Variants in ABR observed in about 807,000 individuals in gnomAD.
ABR encodes ABR activator of RhoGEF and GTPase.
Under a neutral mutation model 107.2 loss-of-function variants are expected in ABR, and 35 were observed. The ratio of observed to expected loss-of-function variants is 0.33; its 90% CI spans 0.25 to 0.43. The LOEUF (loss-of-function observed/expected upper bound fraction) is 0.43, where lower values mean the gene tolerates loss of function less well. Among genes scored for constraint, ABR ranks in the 20% least tolerant of loss-of-function variants. The pLI, the probability that ABR is intolerant of heterozygous loss-of-function variation, is 1.00. For missense variants in ABR, 815 were observed against 1,115.2 expected, an observed-to-expected ratio of 0.73 and a Z score of 3.83; for synonymous variants, 498 against 462.0, an observed-to-expected ratio of 1.08 and a Z score of -1.00.
chr17:1,199,542 G>A (rs754024635), intron 1 of ABR, among the ~76,000 whole-genome samples: 1 of 151,226 alleles, frequency 6.6e-6, no homozygotes, highest in Non-Finnish European at 1.5e-5. Context: ...TCCCCCTCCC[G>A]GGTTCAAGCA....
intron 1 of ABR, among the ~76,000 whole-genome samples, chr17:1,143,566 A>T (rs2040406522): frequency 6.6e-6 from 1 of 150,898 alleles, no homozygotes; most frequent in African/African-American, 2.4e-5. Context: ...CTGCTGTTGC[A>T]GGAGTTGTTT....
At chr17:1,056,208 T>G (rs1283081884) in intron 13 of ABR, 99 bp from the exon 14 acceptor site, 8 of 1,051,380 alleles carry the variant, frequency 7.6e-6, no homozygotes, top group Non-Finnish European at 1.2e-5. Context: ...GAGACTCAGC[T>G]GAGTCTTGGT....
chr17:1,210,142 C>T lies in ABR; in HGVS notation c.838+18651G>A, dbSNP rs995039776. On this transcript the variant is annotated intron_variant, in intron 1 of 22. Coordinates refer to the ABR transcript ENST00000574139. The surrounding 1 kb of genome is among the most constrained non-coding windows in gnomAD (Gnocchi z 5.6). Reference sequence around the variant, plus strand: ...GGGAGAAAGTAGAGGTAGAAAGTAACAGAATCTAGAGAGGCGGAAGCTCAG... The same window carrying T: ...GGGAGAAAGTAGAGGTAGAAAGTAATAGAATCTAGAGAGGCGGAAGCTCAG... Among the ~76,000 whole-genome samples, 1 of 152,194 alleles carries T rather than the reference C, an allele frequency of 6.6e-6. No individual in the cohort carries two copies. The highest frequency in any genetic ancestry group is 1.5e-5 in the Non-Finnish European group (1 of 68,044).
chr17:1,027,476 C>T lies in ABR; in HGVS notation c.1792-14312G>A, dbSNP rs769255244. Among the ~76,000 whole-genome samples, 10 of 152,086 alleles carry T rather than the reference C, an allele frequency of 6.6e-5. No homozygotes were observed. The highest frequency in any genetic ancestry group is 1.9e-4 in the East Asian group (1 of 5,174). On this transcript the variant is annotated intron_variant, in intron 16 of 22. Coordinates refer to ENST00000302538, the MANE Select transcript of ABR (RefSeq NM_021962.5). This position sits in a 1 kb window ranked among gnomAD's most constrained non-coding sequence, Gnocchi z 4.7. ...CTCAGAGTCCAGGGTTCCCGCTCTG[C>T]GGACTCAAGCAAGCCTCTTGGGAGC...
At chr17:1,117,914 T>A (rs1203492333) in intron 2 of ABR, among the ~76,000 whole-genome samples, 12 of 92,732 alleles carry the variant, frequency 1.3e-4, no homozygotes, top group Non-Finnish European at 2.4e-4. Flanking sequence ...CCCAGCGTTA[T>A]CCCTGAGCCT....
chr17:1,105,912 T>C (rs2038215215), intron 2 of ABR, among the ~76,000 whole-genome samples: 1 of 152,106 alleles, frequency 6.6e-6, no homozygotes, highest in African/African-American at 2.4e-5. Context: ...AGGGTTAATC[T>C]GCATTACAAA....
At chr17:1,032,430 A>G (rs1257042113) in intron 16 of ABR, among the ~76,000 whole-genome samples, 2 of 152,124 alleles carry the variant, frequency 1.3e-5, no homozygotes, top group Admixed American at 1.3e-4. Flanking sequence ...ACAGGAGCAA[A>G]AGCCCGAAAC....
intron 2 of ABR, among the ~76,000 whole-genome samples, chr17:1,124,836 G>T (rs2039517525): frequency 6.6e-6 from 1 of 152,172 alleles, no homozygotes; most frequent in African/African-American, 2.4e-5. Flanking sequence ...TGCCTGGCCT[G>T]GGTGCAGAGG....
intron 1 of ABR, among the ~76,000 whole-genome samples, chr17:1,156,594 G>T (rs1456130492): frequency 6.6e-6 from 1 of 152,134 alleles, no homozygotes; most frequent in Admixed American, 6.5e-5. Context: ...TGAGGCAGGA[G>T]AATCACCTGA....
At position 1,078,934 on chromosome 17, in the gene ABR, A is replaced by G; in HGVS notation, c.700+396T>C. ...CCCGGCGCCCACCAGCAGCCCGGCC[A>G]CTCAGCCACCTTGCTGATGCTGCCG... is the stretch of plus-strand genomic sequence containing the variant. On this transcript the variant is annotated intron_variant, in intron 6 of 22. Coordinates refer to ENST00000302538, the MANE Select transcript of ABR (RefSeq NM_021962.5). The surrounding 1 kb of genome is among the most constrained non-coding windows in gnomAD (Gnocchi z 7.5). The G allele has an allele frequency of 6.5e-7, 1 of 1,529,638 alleles. No homozygotes were observed. The highest frequency in any genetic ancestry group is 2.0e-5 in the Admixed American group (1 of 50,496). 94.8% of individuals were successfully genotyped at this position (1,529,638 alleles called of 1,614,324 possible).
intron 16 of ABR, among the ~76,000 whole-genome samples, chr17:1,033,959 C>T (rs2072989316): frequency 6.7e-6 from 1 of 148,594 alleles, no homozygotes; most frequent in South Asian, 2.1e-4. Context: ...TGCTTGGTCC[C>T]ACTCATGTCA....
At chr17:1,213,470 A>G (rs1039235661) in intron 1 of ABR, among the ~76,000 whole-genome samples, 1 of 151,408 alleles carries the variant, frequency 6.6e-6, no homozygotes, top group East Asian at 2.0e-4. Context: ...GCTCACTGCA[A>G]CCTCCGCCTC....
chr17:1,063,078 T>C (rs2034232295), intron 10 of ABR, among the ~76,000 whole-genome samples: 1 of 142,514 alleles, frequency 7.0e-6, no homozygotes, highest in African/African-American at 2.5e-5. Context: ...TGCATGTTCC[T>C]CTAGACACTG....
At position 1,157,815 on chromosome 17, in the gene ABR, C is replaced by T. The variant is rs143852865; in HGVS notation, c.61+21852G>A. ...CCTCAGGCGCACCCAGGCAGACCCA[C>T]GATGGGGTGCACTCAGCCCCGTATC... On this transcript the variant is annotated intron_variant, in intron 1 of 22. Coordinates refer to ENST00000302538, the MANE Select transcript of ABR (RefSeq NM_021962.5). The surrounding 1 kb of genome is among the most constrained non-coding windows in gnomAD (Gnocchi z 4.7). Among the ~76,000 whole-genome samples the T allele has an allele frequency of 7.2e-4, 110 of 152,330 alleles. No individual in the cohort carries two copies. Among genetic ancestry groups the T allele is most frequent in the African/African-American group, 2.4e-3 (100 of 41,562 alleles).
rs1382153007 is a variant in ABR at position 1,037,025 on chromosome 17, T to TTCCATCCATCCACCCATCCA, written c.1791+13005_1791+13024dup. Among the ~76,000 whole-genome samples the TTCCATCCATCCACCCATCCA allele has an allele frequency of 1.4e-4, 20 of 144,148 alleles. No individual in the cohort carries two copies. The highest frequency in any genetic ancestry group is 4.7e-4 in the African/African-American group (18 of 38,382). 94.6% of individuals were successfully genotyped at this position (144,148 alleles called of 152,430 possible). A position where few individuals can be genotyped will look rare whatever the true frequency, so the allele number is the denominator to read the frequency against. ...CTTCCTTCCTTCCATCCTTCCTTCC[T>TTCCATCCATCCACCCATCCA]TCCATCCATCCACCCATCCATCCAT... is the stretch of plus-strand genomic sequence containing the variant. On this transcript the variant is annotated intron_variant, in intron 16 of 22. Coordinates refer to ENST00000302538, the MANE Select transcript of ABR (RefSeq NM_021962.5). This position sits in a 1 kb window ranked among gnomAD's most constrained non-coding sequence, Gnocchi z 4.6.
At chr17:1,073,729 C>A in intron 6 of ABR, 52 bp from the exon 7 acceptor site, 1 of 1,510,186 alleles carries the variant, frequency 6.6e-7, no homozygotes, top group Non-Finnish European at 9.0e-7. Context: ...CGAGGGCAAC[C>A]CAACACCCCA....
intron 16 of ABR, among the ~76,000 whole-genome samples, chr17:1,016,106 G>A (rs1408658198): frequency 6.6e-6 from 1 of 152,128 alleles, no homozygotes; most frequent in Non-Finnish European, 1.5e-5. Flanking sequence ...TATCACAGCC[G>A]CGTTACACCA....
chr17:1,023,094 AGCCTCTGCCGGCCCCACGTCCACTACAGC>A lies in ABR; in HGVS notation c.1792-9959_1792-9931del, dbSNP rs2071838151. On this transcript the variant is annotated intron_variant, in intron 16 of 22. Coordinates refer to ENST00000302538, the MANE Select transcript of ABR (RefSeq NM_021962.5). ...TCTGCCGGCCCCACGTCCACTGCAG[AGCCTCTGCCGGCCCCACGTCCACTACAGC>A]GCCTCTGCCGGCCCCACGTCCACTC... 1.3e-4 allele frequency among the ~76,000 whole-genome samples: 15 copies of A among 111,820 alleles called. No individual in the cohort carries two copies. The South Asian group carries it at 1.3e-3, about 10-fold the overall frequency. The allele number at this position is 111,820 out of a possible 152,430, so 73.4% of individuals were successfully genotyped here. A position where few individuals can be genotyped will look rare whatever the true frequency, so the allele number is the denominator to read the frequency against.
chr17:1,038,673 G>C (rs554832569), intron 16 of ABR, among the ~76,000 whole-genome samples: 109 of 152,354 alleles, frequency 7.2e-4, no homozygotes, highest in Non-Finnish European at 1.2e-3. Flanking sequence ...GCCACGGCAA[G>C]GGCGGGGCTG....
Sources: gnomAD v4.1 joint callset for allele counts (sites outside exome capture counted in the v4.1 genomes callset) on GRCh38, gnomAD v4.1.1 for gene constraint, Gnocchi (gnomAD v3.1) non-coding constraint, MANE v1.5 for transcripts, NCBI Gene and HGNC (gene_info 2026-07-23, HGNC 2026-07-21) for gene names.